TTC39A: variants seen among roughly 807,000 people sequenced by gnomAD.
TTC39A encodes the protein tetratricopeptide repeat protein 39A.
TTC39A carries 46 observed loss-of-function variants against 82.3 expected under a neutral mutation model. The ratio of observed to expected loss-of-function variants is 0.56; its 90% CI spans 0.44 to 0.71. The LOEUF is 0.71. Ranked by LOEUF, TTC39A falls within the 30% of genes least tolerant of loss-of-function variation. The pLI, the probability that TTC39A is intolerant of heterozygous loss-of-function variation, is 0.00. For missense variants in TTC39A, 543 were observed against 712.9 expected (o/e 0.76, Z 2.71); for synonymous variants, 254 against 275.2 (o/e 0.92, Z 0.76).
Position 51,321,341 on chromosome 1 carries a change from T to A in TTC39A, c.146+380A>T, listed in dbSNP as rs1346074383. 6.6e-6 allele frequency among the ~76,000 whole-genome samples: 1 copy of A among 152,202 alleles called. No homozygotes were observed. The highest frequency in any genetic ancestry group is 1.9e-4 in the East Asian group (1 of 5,200). ...GTGAGTACTCAAGGAAATGGTCAAG[T>A]GAGCAGCCCTCTTGATTGCCCTAAA... On this transcript the variant is annotated intron_variant, in intron 2 of 17. Coordinates refer to ENST00000680483, the MANE Select transcript of TTC39A (RefSeq NM_001297663.2). This position sits in a 1 kb window ranked among gnomAD's most constrained non-coding sequence, Gnocchi z 4.6.
intron 1 of TTC39A, among the ~76,000 whole-genome samples, chr1:51,339,883 A>T (rs1347146166): frequency 2.0e-5 from 3 of 152,236 alleles, no homozygotes; most frequent in Non-Finnish European, 4.4e-5. Flanking sequence ...GACAGTTTGC[A>T]TCCCCCAACA....
chr1:51,327,154 C>T (rs1266898584), intron 1 of TTC39A, among the ~76,000 whole-genome samples: 1 of 152,208 alleles, frequency 6.6e-6, no homozygotes, highest in East Asian at 1.9e-4. Context: ...CTGGGAGACC[C>T]TCAGTTCCCA....
chr1:51,304,953 G>T, intron 8 of TTC39A, 128 bp downstream of exon 8: 1 of 940,240 alleles, frequency 1.1e-6, no homozygotes, highest in Non-Finnish European at 1.7e-6. Context: ...ATTGTCCAGG[G>T]CCATACAATG....
At chr1:51,325,070 C>A (rs1227780446) in intron 1 of TTC39A, among the ~76,000 whole-genome samples, 1 of 151,396 alleles carries the variant, frequency 6.6e-6, no homozygotes, top group Non-Finnish European at 1.5e-5. Flanking sequence ...GCCTGACCAA[C>A]ATGGAGAAAC....
At chr1:51,315,449 G>T (rs574772481) in intron 2 of TTC39A, among the ~76,000 whole-genome samples, 1 of 152,226 alleles carries the variant, frequency 6.6e-6, no homozygotes, top group East Asian at 1.9e-4. Flanking sequence ...TGTCTACTGG[G>T]GTCCCACCTT....
rs1056713045 is a variant in TTC39A, at chr1:51,288,538, C to T, written c.1611-258G>A. Among the ~76,000 whole-genome samples the T allele has an allele frequency of 4.6e-5, 7 of 152,274 alleles. No homozygotes were observed. In the East Asian group the frequency reaches 1.2e-3, roughly 25 times the overall value. ...TGAAGGGGTGGTTTTAGGGAATAGA[C>T]CCCTACCCTGGAAGGCAGGAGGCAT... On this transcript the variant is annotated intron_variant, in intron 17 of 17. Coordinates refer to ENST00000680483, the MANE Select transcript of TTC39A (RefSeq NM_001297663.2). The surrounding 1 kb of genome is among the most constrained non-coding windows in gnomAD (Gnocchi z 4.8).
chr1:51,339,466 A>G (rs1646009907), intron 1 of TTC39A, among the ~76,000 whole-genome samples: 1 of 152,216 alleles, frequency 6.6e-6, no homozygotes, highest in Admixed American at 6.5e-5. Flanking sequence ...GCTAAGAGAA[A>G]AATTCCTCTT....
At chr1:51,297,108 C>T (rs1644463080) in intron 12 of TTC39A, 1 of 152,300 alleles carries the variant, frequency 6.6e-6, no homozygotes, top group Non-Finnish European at 1.5e-5. Flanking sequence ...ACCTGGCAGC[C>T]CCACCCATGC....
intron 11 of TTC39A, 82 bp downstream of exon 11, chr1:51,302,275 G>A (rs1455934470): frequency 8.9e-7 from 1 of 1,121,838 alleles, no homozygotes. Context: ...CTGTCCCTGA[G>A]TATGTCACAT....
chr1:51,302,303 G>C, intron 11 of TTC39A, 54 bp downstream of exon 11: 1 of 1,532,464 alleles, frequency 6.5e-7, no homozygotes, highest in Non-Finnish European at 8.8e-7. Flanking sequence ...ACTTCCTGCT[G>C]GTCTGGGAGA....
intron 1 of TTC39A, chr1:51,329,889 C>T (rs766830419): frequency 6.5e-6 from 1 of 153,398 alleles, no homozygotes; most frequent in South Asian, 2.1e-4. Context: ...ACAACACCCA[C>T]TTTTTACTAC....
chr1:51,341,722 A>C (rs1287133367), intron 1 of TTC39A, among the ~76,000 whole-genome samples: 1 of 152,182 alleles, frequency 6.6e-6, no homozygotes, highest in African/African-American at 2.4e-5. Context: ...CACACACAAA[A>C]AAAACCTTGA....
intron 12 of TTC39A, 137 bp downstream of exon 12, chr1:51,301,435 T>C: frequency 8.6e-7 from 1 of 1,167,692 alleles, no homozygotes; most frequent in Non-Finnish European, 1.2e-6. Flanking sequence ...CTTCCAAGCC[T>C]GAGTCCTATT....
At chr1:51,327,699 A>ATTT (rs558622704) in intron 1 of TTC39A, among the ~76,000 whole-genome samples, 8 of 138,526 alleles carry the variant, frequency 5.8e-5, no homozygotes, top group African/African-American at 1.3e-4. Context: ...ATGTATTGCC[A>ATTT]TTTTTTTTTT....
At chr1:51,336,990 C>A (rs1645982350) in intron 1 of TTC39A, among the ~76,000 whole-genome samples, 1 of 151,990 alleles carries the variant, frequency 6.6e-6, no homozygotes, top group African/African-American at 2.4e-5. Context: ...AAACCCCCGT[C>A]TCTACAAAAA....
rs761858391 is a variant in TTC39A, at chr1:51,302,466, G to A, written c.831+40C>T. The A allele has an allele frequency of 8.7e-6, 14 of 1,606,966 alleles. No homozygotes were observed. The South Asian group carries it at 1.1e-4, about 13-fold the overall frequency. On this transcript the variant is annotated intron_variant, in intron 10 of 17. Transcript: ENST00000680483. ...GTGTGGGTCCGTGGGGTCTGTGGGT[G>A]TTTGTGGGCTGGGGGTACCGGGCAG...
In TTC39A at chr1:51,321,927, G is replaced by A. The variant is rs960270110; in HGVS notation, c.42-102C>T. On this transcript the variant is annotated intron_variant, in intron 1 of 17. Transcript: ENST00000680483. This position sits in a 1 kb window ranked among gnomAD's most constrained non-coding sequence, Gnocchi z 4.6. ...AGGGTCTACTCAGCCTCCCTGGCCA[G>A]CCTTGGGTGCCTGTCACGAGCTCCT... 2 of 1,346,712 alleles carry A rather than the reference G, an allele frequency of 1.5e-6. No homozygotes were observed. The highest frequency in any genetic ancestry group is 1.5e-5 in the African/African-American group (1 of 68,884). 83.4% of individuals were successfully genotyped at this position (1,346,712 alleles called of 1,614,324 possible). A position where few individuals can be genotyped will look rare whatever the true frequency, so the allele number is the denominator to read the frequency against.
At chr1:51,322,005 G>T in intron 1 of TTC39A, 180 bp from the exon 2 acceptor site, 3 of 1,431,274 alleles carry the variant, frequency 2.1e-6, no homozygotes, top group Non-Finnish European at 2.8e-6. Context: ...CCACCTCTTG[G>T]TGTTCCCAAG....
chr1:51,313,014 A>G, intron 2 of TTC39A, 71 bp from the exon 3 acceptor site: 1 of 1,562,058 alleles, frequency 6.4e-7, no homozygotes, highest in South Asian at 1.2e-5. Flanking sequence ...TGGGCAGCTC[A>G]TCTCCACCCT....
Sources: gnomAD v4.1 joint callset for allele counts (sites outside exome capture counted in the v4.1 genomes callset) on GRCh38, gnomAD v4.1.1 for gene constraint, Gnocchi (gnomAD v3.1) non-coding constraint, MANE v1.5 for transcripts, NCBI Gene and HGNC (gene_info 2026-07-23, HGNC 2026-07-21) for gene names.